The following HCN1 variants were observed in gnomAD, a reference collection of about 807,000 sequenced individuals.
HCN1 encodes hyperpolarization activated cyclic nucleotide gated potassium channel 1, also known as potassium/sodium hyperpolarization-activated cyclic nucleotide-gated channel 1.
HCN1 carries 13 observed loss-of-function variants against 78.9 expected under a neutral mutation model. The observed-to-expected ratio is 0.16, with a 90% confidence interval of 0.11 to 0.26. The LOEUF is 0.26. HCN1 is among the 10% of genes least tolerant of loss of function. The pLI, the probability that HCN1 is intolerant of heterozygous loss-of-function variation, is 1.00. For missense variants in HCN1, 810 were observed against 1,154.3 expected (o/e 0.70, Z 4.32); for synonymous variants, 552 against 455.5 (o/e 1.21, Z -2.70).
At chr5:45,449,754 A>C (rs986722643) in intron 3 of HCN1, among the ~76,000 whole-genome samples, 4 of 152,166 alleles carry the variant, frequency 2.6e-5, no homozygotes, top group Non-Finnish European at 4.4e-5. Context: ...TCTAGCCCCC[A>C]AAATTTTATG....
intron 3 of HCN1, among the ~76,000 whole-genome samples, chr5:45,459,761 T>G (rs1165579082): frequency 6.6e-6 from 1 of 152,156 alleles, no homozygotes; most frequent in African/African-American, 2.4e-5. Flanking sequence ...TAATAATTTT[T>G]TACCAAATTA....
intron 4 of HCN1, among the ~76,000 whole-genome samples, chr5:45,373,849 C>T (rs868000240): frequency 2.1e-4 from 27 of 130,374 alleles, no homozygotes; most frequent in African/African-American, 6.4e-4. Flanking sequence ...ATATTACATA[C>T]GGTATATACG....
chr5:45,571,216 AG>A (rs1465857254), intron 2 of HCN1, among the ~76,000 whole-genome samples: 3 of 152,276 alleles, frequency 2.0e-5, no homozygotes, highest in African/African-American at 7.2e-5. Context: ...TGTGTCCACT[AG>A]TACCCATGTG....
chr5:45,463,683 A>C (rs1313212729), intron 2 of HCN1, among the ~76,000 whole-genome samples: 3 of 152,038 alleles, frequency 2.0e-5, no homozygotes, highest in Admixed American at 1.3e-4. Flanking sequence ...ATAATTTCTC[A>C]TTAAAAGTTA....
At chr5:45,265,109 G>C (rs1008787892) in intron 7 of HCN1, among the ~76,000 whole-genome samples, 2 of 151,828 alleles carry the variant, frequency 1.3e-5, no homozygotes, top group African/African-American at 4.8e-5. Flanking sequence ...AGAATTGCTT[G>C]AACCTGGGAG....
Position 45,607,962 on chromosome 5 carries a change from T to C in HCN1, c.849+37223A>G, listed in dbSNP as rs186667915. 6.0e-3 allele frequency among the ~76,000 whole-genome samples: 908 copies of C among 151,980 alleles called. 4 individuals carry two copies. The highest frequency in any genetic ancestry group is 9.7e-3 in the Non-Finnish European group (661 of 67,858). ...CTAATTAGCCACAGATCTGATTATA[T>C]ATAATGGGAGCCCAAAAGAATATAA... On this transcript the variant is annotated intron_variant, in intron 2 of 7. Coordinates refer to ENST00000303230, the MANE Select transcript of HCN1 (RefSeq NM_021072.4).
chr5:45,686,120 TA>T (rs1412913208), intron 1 of HCN1, among the ~76,000 whole-genome samples: 2 of 148,590 alleles, frequency 1.3e-5, no homozygotes, highest in Admixed American at 6.8e-5. Flanking sequence ...TACATATATA[TA>T]TATTTTTTTC....
chr5:45,352,649 C>A (rs938683462), intron 5 of HCN1, among the ~76,000 whole-genome samples: 4 of 151,754 alleles, frequency 2.6e-5, no homozygotes. Flanking sequence ...TGATGCAAAG[C>A]AAAGAGGTGG....
intron 3 of HCN1, among the ~76,000 whole-genome samples, chr5:45,404,693 C>CAAAAAAAAA (rs60728403): frequency 2.0e-4 from 11 of 56,236 alleles, no homozygotes; most frequent in Non-Finnish European, 3.5e-4. Flanking sequence ...GGGCTATTTG[C>CAAAAAAAAA]AAAAAAAAAA....
intron 4 of HCN1, among the ~76,000 whole-genome samples, chr5:45,372,679 ATATTTATATATAAAAATATATACG>A (rs1242263046): frequency 1.5e-4 from 21 of 142,158 alleles, no homozygotes; most frequent in Non-Finnish European, 2.3e-4. Flanking sequence ...AAAATATAAA[ATATTTATATATAAAAATATATACG>A]TATTTATATA....
chr5:45,382,634 C>T (rs987620929), intron 4 of HCN1, among the ~76,000 whole-genome samples: 9 of 151,954 alleles, frequency 5.9e-5, no homozygotes, highest in Non-Finnish European at 1.3e-4. Flanking sequence ...CTGTATTATC[C>T]GTATTTCAAA....
chr5:45,268,145 G>A (rs899703122), intron 6 of HCN1, among the ~76,000 whole-genome samples: 4 of 152,170 alleles, frequency 2.6e-5, no homozygotes, highest in African/African-American at 9.7e-5. Context: ...TATGAAGAAA[G>A]TGATATTCCA....
intron 2 of HCN1, among the ~76,000 whole-genome samples, chr5:45,467,465 G>A (rs1259042784): frequency 6.6e-6 from 1 of 151,646 alleles, no homozygotes; most frequent in Non-Finnish European, 1.5e-5. Flanking sequence ...ATTTATTAAG[G>A]GCTCTGTCCT....
chr5:45,328,107 A>C (rs1746271782), intron 5 of HCN1, among the ~76,000 whole-genome samples: 1 of 151,640 alleles, frequency 6.6e-6, no homozygotes, highest in Admixed American at 6.6e-5. Flanking sequence ...CTGAAATCTC[A>C]GACAGTGCTG....
At chr5:45,485,112 A>T (rs771520197) in intron 2 of HCN1, among the ~76,000 whole-genome samples, 3 of 152,190 alleles carry the variant, frequency 2.0e-5, no homozygotes, top group African/African-American at 7.2e-5. Context: ...TCCTTATGTT[A>T]TCACTTATTA....
At chr5:45,336,314 T>A (rs1308968209) in intron 5 of HCN1, among the ~76,000 whole-genome samples, 1 of 152,048 alleles carries the variant, frequency 6.6e-6, no homozygotes, top group Non-Finnish European at 1.5e-5. Flanking sequence ...TAAAATGCTA[T>A]GTTTTGGGGT....
chr5:45,268,851 C>A (rs113857376), intron 6 of HCN1, among the ~76,000 whole-genome samples: 1 of 152,058 alleles, frequency 6.6e-6, no homozygotes, highest in Non-Finnish European at 1.5e-5. Context: ...AATTACCATA[C>A]CATGGAATTT....
At chr5:45,575,597 A>C (rs944327731) in intron 2 of HCN1, 1 of 152,138 alleles carries the variant, frequency 6.6e-6, no homozygotes, top group Non-Finnish European at 1.5e-5. Context: ...AATAAGCTCA[A>C]TCTACTCTGC....
At chr5:45,498,018 ATT>A (rs910496582) in intron 2 of HCN1, among the ~76,000 whole-genome samples, 1 of 151,880 alleles carries the variant, frequency 6.6e-6, no homozygotes, top group Non-Finnish European at 1.5e-5. Flanking sequence ...TGCCCTTAAC[ATT>A]TTTTCCTTCA....
Sources: allele counts gnomAD v4.1 joint callset (sites outside exome capture counted in the v4.1 genomes callset), GRCh38; gene constraint gnomAD v4.1.1; transcripts MANE v1.5; gene names NCBI Gene and HGNC (gene_info 2026-07-23, HGNC 2026-07-21).